The following SLC9A9 variants were observed in gnomAD, a reference collection of about 807,000 sequenced individuals.
SLC9A9 encodes solute carrier family 9 member A9.
A neutral mutation model predicts 77.8 loss-of-function variants in SLC9A9; 62 were observed. The ratio of observed to expected loss-of-function variants is 0.80; its 90% CI spans 0.65 to 0.98. The LOEUF is 0.98. Among genes scored for constraint, SLC9A9 ranks in the 50% least tolerant of loss-of-function variants. The probability of loss-of-function intolerance (pLI) is 0.00; values close to 1 mark genes in which losing one functional copy is unlikely to be tolerated. For missense variants in SLC9A9, 775 were observed against 774.9 expected (o/e 1.00, Z 0.00); for synonymous variants, 320 against 283.5 (o/e 1.13, Z -1.29).
intron 12 of SLC9A9, among the ~76,000 whole-genome samples, chr3:143,463,302 G>A (rs2035229033): frequency 6.6e-6 from 1 of 152,282 alleles, no homozygotes; most frequent in Middle Eastern, 3.4e-3. Context: ...CCATTCTCAT[G>A]AGCTATTTGC....
chr3:143,408,750 A>G (rs1168908651), intron 12 of SLC9A9, among the ~76,000 whole-genome samples: 2 of 152,216 alleles, frequency 1.3e-5, no homozygotes, highest in Non-Finnish European at 1.5e-5. Context: ...CAAGCAAGTA[A>G]TGTTAGTACA....
chr3:143,432,784 C>A (rs1314326014), intron 12 of SLC9A9, among the ~76,000 whole-genome samples: 1 of 152,182 alleles, frequency 6.6e-6, no homozygotes, highest in African/African-American at 2.4e-5. Context: ...TATACCCCCA[C>A]ACCCGGCTAA....
intron 13 of SLC9A9, among the ~76,000 whole-genome samples, chr3:143,372,181 A>G (rs1053820862): frequency 6.6e-6 from 1 of 152,178 alleles, no homozygotes; most frequent in African/African-American, 2.4e-5. Flanking sequence ...CTATCAAAAT[A>G]ACTACCGTTT....
At chr3:143,274,672 T>G (rs765944764) in intron 14 of SLC9A9, among the ~76,000 whole-genome samples, 2 of 152,206 alleles carry the variant, frequency 1.3e-5, no homozygotes. Flanking sequence ...TATGGATATT[T>G]CCAATTCAAA....
chr3:143,574,332 A>G (rs571145259), intron 7 of SLC9A9, 139 bp from the exon 8 acceptor site: 4 of 739,706 alleles, frequency 5.4e-6, no homozygotes, highest in South Asian at 3.0e-5. Context: ...CTGGAAGGCC[A>G]TAATTCTCAC....
intron 14 of SLC9A9, among the ~76,000 whole-genome samples, chr3:143,346,715 C>T (rs1054539419): frequency 3.3e-5 from 5 of 152,092 alleles, no homozygotes; most frequent in Admixed American, 6.5e-5. Flanking sequence ...ATCATTTGAA[C>T]CTGGGAGGCG....
intron 6 of SLC9A9, among the ~76,000 whole-genome samples, chr3:143,633,026 A>T (rs2038453070): frequency 6.6e-6 from 1 of 152,198 alleles, no homozygotes; most frequent in South Asian, 2.1e-4. Context: ...CTCATCATTT[A>T]AAGTCAAGTT....
intron 12 of SLC9A9, 98 bp from the exon 13 acceptor site, chr3:143,382,212 G>A (rs554621581): frequency 1.5e-6 from 2 of 1,301,728 alleles, no homozygotes; most frequent in African/African-American, 1.5e-5. Context: ...ATGTGAATCT[G>A]AGAAAAGATT....
chr3:143,492,073 A>G (rs2035756043), intron 11 of SLC9A9, among the ~76,000 whole-genome samples: 1 of 152,116 alleles, frequency 6.6e-6, no homozygotes, highest in South Asian at 2.1e-4. Flanking sequence ...CGGGTGGATC[A>G]CAAGGTCAGG....
intron 4 of SLC9A9, among the ~76,000 whole-genome samples, chr3:143,754,186 G>A (rs895616607): frequency 1.3e-5 from 2 of 152,156 alleles, no homozygotes; most frequent in Non-Finnish European, 2.9e-5. Context: ...AGATAAGAGG[G>A]AATGGAAAAT....
At chr3:143,541,937 C>G (rs72999726) in intron 9 of SLC9A9, among the ~76,000 whole-genome samples, 2,250 of 152,300 alleles carry the variant, frequency 0.015, 57 homozygotes, top group African/African-American at 0.052. Flanking sequence ...GGATGTCTTA[C>G]TTATCTTTAT....
intron 12 of SLC9A9, among the ~76,000 whole-genome samples, chr3:143,387,543 G>C (rs1284612271): frequency 1.3e-5 from 2 of 152,108 alleles, no homozygotes; most frequent in Non-Finnish European, 2.9e-5. Context: ...TAAGCAAGTT[G>C]AGTGCTGCCT....
intron 4 of SLC9A9, among the ~76,000 whole-genome samples, chr3:143,748,692 C>CTTTTTTT (rs35698779): frequency 3.8e-5 from 4 of 106,024 alleles, no homozygotes; most frequent in African/African-American, 1.1e-4. Context: ...TTTGACCAAG[C>CTTTTTTT]TTTTTTTTTT....
chr3:143,644,057 A>T (rs1258344296), intron 6 of SLC9A9, among the ~76,000 whole-genome samples: 2 of 152,204 alleles, frequency 1.3e-5, no homozygotes, highest in African/African-American at 4.8e-5. Context: ...TGCACCATGA[A>T]AGAATGAGGC....
intron 12 of SLC9A9, among the ~76,000 whole-genome samples, chr3:143,397,923 C>A (rs1439175421): frequency 2.0e-5 from 3 of 152,194 alleles, no homozygotes; most frequent in Non-Finnish European, 4.4e-5. Context: ...CTGTAAAACT[C>A]CTCTATGCAA....
intron 1 of SLC9A9, 96 bp downstream of exon 1, chr3:143,848,052 A>G (rs1320341921): frequency 1.7e-6 from 2 of 1,184,714 alleles, no homozygotes; most frequent in Non-Finnish European, 2.5e-6. Context: ...CAATCAGCAC[A>G]TTTTCTCCAG....
chr3:143,408,784 T>C (rs1303394408), intron 12 of SLC9A9, among the ~76,000 whole-genome samples: 1 of 152,214 alleles, frequency 6.6e-6, no homozygotes, highest in Non-Finnish European at 1.5e-5. Context: ...AAACCTCACC[T>C]AAATTTCCAA....
chr3:143,266,720 A>G lies in SLC9A9; in HGVS notation c.1920T>C (p.Gly640=). 6.2e-7 allele frequency: 1 copy of G among 1,614,078 alleles called. No homozygotes were observed. Among genetic ancestry groups the G allele is most frequent in the Non-Finnish European group, 8.5e-7 (1 of 1,180,022 alleles). The change falls in exon 16 of 16, where the codon GGT becomes GGC. Residue 640 remains glycine (G), a synonymous_variant. Coordinates refer to ENST00000316549, the MANE Select transcript of SLC9A9 (RefSeq NM_173653.4). ...ATGCCAATTAATTCAACTGGGATTG[A>G]CCCAAAGTTTGCTCAAGCTTGAGTT... The part of the protein sequence containing the change: ...GYELKLEQTL[G]QSQLN
At chr3:143,432,056 AT>A (rs990776978) in intron 12 of SLC9A9, among the ~76,000 whole-genome samples, 5 of 151,154 alleles carry the variant, frequency 3.3e-5, no homozygotes, top group African/African-American at 7.3e-5. Context: ...CCTCTGCTCA[AT>A]TTTTTTTTCT....
Sources: allele counts gnomAD v4.1 joint callset (sites outside exome capture counted in the v4.1 genomes callset), GRCh38; gene constraint gnomAD v4.1.1; transcripts MANE v1.5; gene names NCBI Gene and HGNC (gene_info 2026-07-23, HGNC 2026-07-21).